Variants in KCNMA1 observed in about 807,000 individuals in gnomAD.
KCNMA1 encodes potassium calcium-activated channel subfamily M alpha 1.
Under a neutral mutation model 140.0 loss-of-function variants are expected in KCNMA1, and 29 were observed. The ratio of observed to expected loss-of-function variants is 0.21; its 90% CI spans 0.15 to 0.28. The LOEUF is 0.28. Among genes scored for constraint, KCNMA1 ranks in the 10% least tolerant of loss-of-function variants. KCNMA1 has a pLI of 1.00. For missense variants in KCNMA1, 880 were observed against 1,602.2 expected (o/e 0.55, Z 7.70); for synonymous variants, 612 against 611.9 (o/e 1.00, Z 0.00).
At chr10:77,016,666 C>G (rs2092101959) in intron 17 of KCNMA1, among the ~76,000 whole-genome samples, 1 of 152,038 alleles carries the variant, frequency 6.6e-6, no homozygotes, top group African/African-American at 2.4e-5. Context: ...TTTGTGACTC[C>G]TATATTAAAG....
At chr10:77,361,816 A>G (rs1305895229) in intron 2 of KCNMA1, among the ~76,000 whole-genome samples, 2 of 152,204 alleles carry the variant, frequency 1.3e-5, no homozygotes, top group Non-Finnish European at 2.9e-5. Flanking sequence ...GTGGGTCAAG[A>G]GCTGCCCAGG....
At chr10:77,610,397 T>C (rs960480115) in intron 1 of KCNMA1, among the ~76,000 whole-genome samples, 1 of 151,618 alleles carries the variant, frequency 6.6e-6, no homozygotes, top group Non-Finnish European at 1.5e-5. Context: ...TGACCCTCAC[T>C]GTGCATATCC....
intron 15 of KCNMA1, among the ~76,000 whole-genome samples, chr10:77,031,326 A>G (rs1180427037): frequency 2.0e-5 from 3 of 152,176 alleles, no homozygotes; most frequent in African/African-American, 7.2e-5. Context: ...ACCACATTCC[A>G]CATGCTAAAA....
At position 77,482,156 on chromosome 10, in the gene KCNMA1, T is replaced by C. The variant is rs151137371; in HGVS notation, c.379-78133A>G. On this transcript the variant is annotated intron_variant, in intron 1 of 27. Transcript: ENST00000286628. ...GATAGCCCTGTAGTTTAATTTTTTA[T>C]GGCTCAGAGATTGGAGTGAAGTGCT... Among the ~76,000 whole-genome samples the C allele has an allele frequency of 4.3e-3, 649 of 152,370 alleles. 9 individuals carry two copies. The highest frequency in any genetic ancestry group is 0.014 in the African/African-American group (598 of 41,598).
intron 17 of KCNMA1, among the ~76,000 whole-genome samples, chr10:77,017,316 C>T (rs1009377798): frequency 1.3e-5 from 2 of 152,156 alleles, no homozygotes; most frequent in African/African-American, 4.8e-5. Flanking sequence ...CTGTTTCAAG[C>T]TTTTGTGTCT....
In KCNMA1 at chr10:77,001,408, G is replaced by A. The variant is rs371318119; in HGVS notation, c.2265C>T (p.Ala755=). 2.5e-4 allele frequency: 395 copies of A among 1,551,404 alleles called. No homozygotes were observed. Among genetic ancestry groups the A allele is most frequent in the Non-Finnish European group, 3.3e-4 (381 of 1,146,836 alleles). The change falls in exon 19 of 28, where the codon GCC becomes GCT. Residue 755 remains alanine, a splice_region_variant and synonymous_variant. Transcript: ENST00000286628. ...SVNDCSTSFR[A]FEDEQPSTLS... is the part of the protein sequence containing the mutation. ...TACGTGTGTTGAGGTTAAACTTACAGGCACGGAAACTGGTGGAGCAATCAT... is the reference window on the plus strand; with the variant it reads ...TACGTGTGTTGAGGTTAAACTTACAAGCACGGAAACTGGTGGAGCAATCAT...
At chr10:77,320,276 G>A (rs138778725) in intron 2 of KCNMA1, among the ~76,000 whole-genome samples, 490 of 152,322 alleles carry the variant, frequency 3.2e-3, no homozygotes, top group Admixed American at 9.3e-3. Flanking sequence ...AAAAAGGTAA[G>A]TGTCAAAACA....
At chr10:77,577,502 G>C (rs1567660125) in intron 1 of KCNMA1, among the ~76,000 whole-genome samples, 1 of 152,218 alleles carries the variant, frequency 6.6e-6, no homozygotes, top group East Asian at 1.9e-4. Context: ...CCGTCCTCAG[G>C]CCATTTCATA....
chr10:77,412,909 G>A (rs1018018927), intron 1 of KCNMA1, among the ~76,000 whole-genome samples: 1 of 152,140 alleles, frequency 6.6e-6, no homozygotes, highest in African/African-American at 2.4e-5. Context: ...CCAGGCTGGA[G>A]TACAGTGGCG....
At chr10:76,903,095 G>GTT (rs2046258119) in intron 25 of KCNMA1, 2 of 152,352 alleles carry the variant, frequency 1.3e-5, no homozygotes, top group East Asian at 3.9e-4. Context: ...CCAAGGCACT[G>GTT]TAACAGGGAA....
intron 2 of KCNMA1, among the ~76,000 whole-genome samples, chr10:77,337,872 C>T (rs992286101): frequency 3.9e-5 from 6 of 152,162 alleles, no homozygotes; most frequent in Admixed American, 2.0e-4. Flanking sequence ...TGCAGTTCTC[C>T]ATGTTTTCTT....
chr10:77,277,195 C>T (rs1427046647), intron 2 of KCNMA1, among the ~76,000 whole-genome samples: 1 of 152,136 alleles, frequency 6.6e-6, no homozygotes, highest in African/African-American at 2.4e-5. Context: ...GGGTGAGGAG[C>T]CACTAACAGG....
At chr10:77,553,620 TCAGGGGCATCCCACACC>T (rs1431477509) in intron 1 of KCNMA1, among the ~76,000 whole-genome samples, 2 of 152,176 alleles carry the variant, frequency 1.3e-5, no homozygotes, top group Non-Finnish European at 2.9e-5. Flanking sequence ...CTGCTATGTC[TCAGGGGCATCCCACACC>T]CAGAAAGCTG....
intron 2 of KCNMA1, among the ~76,000 whole-genome samples, chr10:77,354,830 GA>G (rs2093321452): frequency 6.6e-6 from 1 of 152,210 alleles, no homozygotes. Flanking sequence ...GAGCATCAAA[GA>G]TTATGTCTTG....
intron 5 of KCNMA1, among the ~76,000 whole-genome samples, chr10:77,165,090 T>G (rs2098623802): frequency 6.6e-6 from 1 of 152,172 alleles, no homozygotes; most frequent in Non-Finnish European, 1.5e-5. Context: ...CTACTTTTTT[T>G]TGGCCACTTG....
At chr10:76,916,985 A>T (rs1487994396) in intron 23 of KCNMA1, among the ~76,000 whole-genome samples, 1 of 152,224 alleles carries the variant, frequency 6.6e-6, no homozygotes, top group East Asian at 1.9e-4. Context: ...CACTATGAAA[A>T]GGGTAAGTCA....
chr10:77,628,980 G>A (rs2092871216), intron 1 of KCNMA1, among the ~76,000 whole-genome samples: 1 of 152,178 alleles, frequency 6.6e-6, no homozygotes, highest in Non-Finnish European at 1.5e-5. Flanking sequence ...GAGTCCCCAA[G>A]AAAATCTGGT....
intron 6 of KCNMA1, among the ~76,000 whole-genome samples, chr10:77,118,884 G>C (rs1184420640): frequency 1.3e-5 from 2 of 152,320 alleles, no homozygotes; most frequent in East Asian, 1.9e-4. Flanking sequence ...CAGGCTTGCT[G>C]AATTATCTCA....
chr10:77,527,314 C>T (rs1348794555), intron 1 of KCNMA1, among the ~76,000 whole-genome samples: 3 of 152,372 alleles, frequency 2.0e-5, no homozygotes, highest in Non-Finnish European at 4.4e-5. Flanking sequence ...CCAGGGATCC[C>T]CCACTTTCAG....
Sources: gnomAD v4.1 joint callset for allele counts (sites outside exome capture counted in the v4.1 genomes callset) on GRCh38, gnomAD v4.1.1 for gene constraint, MANE v1.5 for transcripts, NCBI Gene and HGNC (gene_info 2026-07-23, HGNC 2026-07-21) for gene names.